The following PAICS variants were observed in gnomAD, a reference collection of about 807,000 sequenced individuals.
The protein encoded by PAICS is bifunctional phosphoribosylaminoimidazole carboxylase/phosphoribosylaminoimidazole succinocarboxamide synthetase.
In PAICS, 33 loss-of-function variants were observed where a neutral mutation model predicts 53.7. The ratio of observed to expected loss-of-function variants is 0.61; its 90% CI spans 0.47 to 0.82. The LOEUF (loss-of-function observed/expected upper bound fraction) is 0.82, where lower values mean the gene tolerates loss of function less well. Among genes scored for constraint, PAICS ranks in the 40% least tolerant of loss-of-function variants. The probability of loss-of-function intolerance (pLI) is 0.00; values close to 1 mark genes in which losing one functional copy is unlikely to be tolerated. For synonymous variants in PAICS, 141 were observed against 167.2 expected (o/e 0.84, Z 1.21); for missense variants, 394 against 494.1 (o/e 0.80, Z 1.92).
chr4:56,435,603 G>A (rs1009967280), upstream of PAICS: 21 of 1,529,762 alleles, frequency 1.4e-5, no homozygotes, highest in Admixed American at 1.8e-5. Flanking sequence ...TCCCGAGGGT[G>A]GCCCCAGCTA....
At chr4:56,457,566 T>C (rs80020548) in intron 8 of PAICS, among the ~76,000 whole-genome samples, 20,492 of 152,062 alleles carry the variant, frequency 0.13, 1,798 homozygotes, top group East Asian at 0.27. Flanking sequence ...TCCAAAGGTA[T>C]CTGGTGCCAC....
Position 56,438,104 on chromosome 4 carries a change from C to T in PAICS, c.16+1776C>T, listed in dbSNP as rs563675586. 2.6e-5 allele frequency among the ~76,000 whole-genome samples: 4 copies of T among 152,038 alleles called. No individual in the cohort carries two copies. In the East Asian group the frequency reaches 7.8e-4, roughly 30 times the overall value. On this transcript the variant is annotated intron_variant, in intron 1 of 8. Transcript: ENST00000512576. ...CATCTCTAGAGATGTTAAATCCAGT[C>T]TGTCCAGTCTGAAATCCCTTTTCAT...
At chr4:56,443,008 G>A (rs1718416798) in intron 2 of PAICS, among the ~76,000 whole-genome samples, 1 of 152,074 alleles carries the variant, frequency 6.6e-6, no homozygotes, top group Non-Finnish European at 1.5e-5. Flanking sequence ...TGAGTGTATT[G>A]CTGTAAATTT....
intron 1 of PAICS, chr4:56,436,537 C>A: frequency 1.4e-6 from 1 of 710,038 alleles, no homozygotes; most frequent in Non-Finnish European, 2.6e-6. Flanking sequence ...TAGAGGAGAA[C>A]GAGAAATGGC....
At chr4:56,427,182 T>G in the PAICS span, among the ~76,000 whole-genome samples, 23 of 152,374 alleles carry the variant, frequency 1.5e-4, no homozygotes, top group Non-Finnish European at 2.6e-4. Context: ...AACTCTGCTA[T>G]GAATGTGGAT....
the PAICS span, chr4:56,428,988 G>A: frequency 8.2e-6 from 8 of 977,468 alleles, no homozygotes; most frequent in Non-Finnish European, 9.7e-6. Context: ...AGCTTCAAGA[G>A]AAAAGCACAT....
chr4:56,443,989 T>C (rs1209318787), intron 2 of PAICS, among the ~76,000 whole-genome samples: 3 of 152,206 alleles, frequency 2.0e-5, no homozygotes, highest in Non-Finnish European at 2.9e-5. Context: ...TTTTTTAAAA[T>C]TTCTAAACAG....
At chr4:56,432,556 C>T (rs546307618), upstream of PAICS, among the ~76,000 whole-genome samples, 6 of 147,008 alleles carry the variant, frequency 4.1e-5, no homozygotes, top group Non-Finnish European at 8.9e-5. Flanking sequence ...GAGGCCAAGG[C>T]GGGCAGATCA....
chr4:56,446,217 T>C (rs1000694882), intron 2 of PAICS: 44 of 575,978 alleles, frequency 7.6e-5, no homozygotes, highest in African/African-American at 7.0e-4. Flanking sequence ...CACAATGTTG[T>C]ACATTCATCC....
intron 1 of PAICS, among the ~76,000 whole-genome samples, chr4:56,439,276 G>C (rs925413034): frequency 6.6e-6 from 1 of 151,962 alleles, no homozygotes; most frequent in Non-Finnish European, 1.5e-5. Context: ...TCCCTCTCTT[G>C]CCCAGGCTGG....
intron 6 of PAICS, chr4:56,451,054 T>A (rs1184815012): frequency 6.0e-6 from 1 of 166,700 alleles, no homozygotes; most frequent in Non-Finnish European, 1.3e-5. Context: ...CCTGACCTCG[T>A]GATCCCCCTG....
rs144707727 is a variant in PAICS, at chr4:56,462,210, C to G, written c.*2672C>G. 3 of 152,330 alleles carry G rather than the reference C, an allele frequency of 2.0e-5. No homozygotes were observed. Among genetic ancestry groups the G allele is most frequent in the African/African-American group, 4.8e-5 (2 of 41,576 alleles). 9.4% of individuals were successfully genotyped at this position (152,330 alleles called of 1,614,324 possible). ...AGCAATGATGTAAAAGCAAGACACA[C>G]AGATAGGGAAATAGCTTTCCATACT... On this transcript the variant is annotated 3_prime_UTR_variant, in exon 9 of 9. Coordinates refer to ENST00000512576, the MANE Select transcript of PAICS (RefSeq NM_001079524.2).
At chr4:56,448,010 T>TC (rs1381415339) in intron 3 of PAICS, among the ~76,000 whole-genome samples, 2 of 144,424 alleles carry the variant, frequency 1.4e-5, no homozygotes, top group East Asian at 2.0e-4. Flanking sequence ...TTCTTTTCTT[T>TC]TTTTTTTTTT....
upstream of PAICS, among the ~76,000 whole-genome samples, chr4:56,434,858 C>G (rs183655799): frequency 6.6e-6 from 1 of 152,258 alleles, no homozygotes; most frequent in Non-Finnish European, 1.5e-5. Context: ...AACCCATAAT[C>G]TGCTCAATAG....
At chr4:56,428,882 C>A in the PAICS span, 1 of 383,132 alleles carries the variant, frequency 2.6e-6, no homozygotes, top group Non-Finnish European at 3.6e-6. Context: ...GCTTGAAAAC[C>A]ATTAATGTGT....
At chr4:56,421,997 G>A in the PAICS span, 3 of 152,226 alleles carry the variant, frequency 2.0e-5, no homozygotes, top group Non-Finnish European at 4.4e-5. Flanking sequence ...TGGGCCAGGC[G>A]TTGTGGCTCA....
intron 8 of PAICS, among the ~76,000 whole-genome samples, chr4:56,455,092 G>A (rs774824705): frequency 6.6e-6 from 1 of 152,150 alleles, no homozygotes; most frequent in Admixed American, 6.5e-5. Flanking sequence ...GGGAGGCAGA[G>A]GTGAGTCAAG....
rs920133545 is a variant in PAICS, at chr4:56,440,838, C to G, written c.17-825C>G. ...TGGATACACCGGGAAAATGTTGATA[C>G]TGAGAGTGTTGTGGAAGTATGAGGG... On this transcript the variant is annotated intron_variant, in intron 1 of 8. Transcript: ENST00000512576. Among the ~76,000 whole-genome samples the G allele has an allele frequency of 2.0e-5, 3 of 152,190 alleles. No individual in the cohort carries two copies. In the East Asian group the frequency reaches 5.8e-4, roughly 29 times the overall value.
chr4:56,440,630 G>A (rs1012079352), intron 1 of PAICS, among the ~76,000 whole-genome samples: 1 of 152,120 alleles, frequency 6.6e-6, no homozygotes, highest in Admixed American at 6.5e-5. Flanking sequence ...GCTAAATTTC[G>A]ATGATTCTTC....
Sources: allele counts gnomAD v4.1 joint callset (sites outside exome capture counted in the v4.1 genomes callset), GRCh38; gene constraint gnomAD v4.1.1; transcripts MANE v1.5; gene names NCBI Gene and HGNC (gene_info 2026-07-23, HGNC 2026-07-21).